Variants in AASS observed in about 807,000 individuals in gnomAD.
The protein encoded by AASS is alpha-aminoadipic semialdehyde synthase, mitochondrial.
Under a neutral mutation model 105.4 loss-of-function variants are expected in AASS, and 86 were observed. The observed-to-expected ratio is 0.82, with a 90% CI of 0.69 to 0.98. The LOEUF is 0.98. Ranked by LOEUF, AASS falls within the 50% of genes least tolerant of loss-of-function variation. The pLI is 0.00. For missense variants in AASS, 1,048 were observed against 1,143.2 expected, an observed-to-expected ratio of 0.92 and a Z score of 1.20; for synonymous variants, 381 against 394.8, an observed-to-expected ratio of 0.96 and a Z score of 0.41.
chr7:122,093,140 C>T lies in AASS; in HGVS notation c.1674G>A (p.Leu558=), dbSNP rs1239609470. The change falls in exon 16 of 24, where the codon TTG becomes TTA. Residue 558 remains leucine (L), a synonymous_variant. Transcript: ENST00000417368. ...DLVISLLPYV[L]HPLVAKACIT... is the part of the protein sequence containing the mutation. ...TGCAGGCCTTGGCCACAAGAGGGTG[C>T]AATACATAAGGCAACAAGCTTGAAA... The T allele has an allele frequency of 5.6e-6, 9 of 1,613,574 alleles. No individual in the cohort carries two copies. Among genetic ancestry groups the T allele is most frequent in the South Asian group, 1.1e-5 (1 of 91,074 alleles).
chr7:122,114,527 G>A (rs1300242147), intron 9 of AASS, among the ~76,000 whole-genome samples: 1 of 152,136 alleles, frequency 6.6e-6, no homozygotes. Context: ...CTAGGTGCTT[G>A]TGGCCAAGAG....
intron 7 of AASS, 29 bp downstream of exon 7, chr7:122,116,850 T>G: frequency 1.2e-6 from 2 of 1,612,748 alleles, no homozygotes; most frequent in East Asian, 2.2e-5. Context: ...GTTAAAAACA[T>G]TAAAAGTTAG....
chr7:122,123,597 A>G (rs939370156), intron 4 of AASS, among the ~76,000 whole-genome samples: 2 of 152,206 alleles, frequency 1.3e-5, no homozygotes, highest in African/African-American at 2.4e-5. Flanking sequence ...AATGGGTATG[A>G]GCAGAAATAA....
chr7:122,125,268 A>C (rs902121141), intron 4 of AASS, among the ~76,000 whole-genome samples: 5 of 152,194 alleles, frequency 3.3e-5, no homozygotes, highest in Non-Finnish European at 5.9e-5. Context: ...ATTTTTGCTT[A>C]GATTTATTAT....
chr7:122,101,884 A>G (rs1264563113), intron 11 of AASS, among the ~76,000 whole-genome samples: 1 of 151,976 alleles, frequency 6.6e-6, no homozygotes, highest in African/African-American at 2.4e-5. Context: ...TTTCAGCACA[A>G]GTCCCAATTT....
At chr7:122,137,683 G>A (rs558683250) in intron 1 of AASS, among the ~76,000 whole-genome samples, 1 of 152,178 alleles carries the variant, frequency 6.6e-6, no homozygotes, top group Non-Finnish European at 1.5e-5. Flanking sequence ...CAAGAAATAG[G>A]AAATAGTGAG....
intron 11 of AASS, among the ~76,000 whole-genome samples, chr7:122,104,762 C>T (rs1794588732): frequency 6.6e-6 from 1 of 151,890 alleles, no homozygotes; most frequent in Admixed American, 6.6e-5. Flanking sequence ...ACAATAGAAA[C>T]CAGGGTATAC....
At chr7:122,122,735 T>C (rs1336210877) in intron 4 of AASS, among the ~76,000 whole-genome samples, 1 of 152,200 alleles carries the variant, frequency 6.6e-6, no homozygotes, top group East Asian at 1.9e-4. Flanking sequence ...AGAAAATCTA[T>C]ATATGTTCTC....
chr7:122,114,740 T>C (rs1455578906), intron 9 of AASS, among the ~76,000 whole-genome samples: 1 of 152,124 alleles, frequency 6.6e-6, no homozygotes, highest in African/African-American at 2.4e-5. Context: ...AAAAGAAGAA[T>C]GTTTCAAGAA....
intron 18 of AASS, among the ~76,000 whole-genome samples, chr7:122,089,342 C>A (rs1010953581): frequency 1.3e-5 from 2 of 152,126 alleles, no homozygotes; most frequent in Non-Finnish European, 2.9e-5. Context: ...GGAGTGGTCA[C>A]AAAAAGCTTC....
At chr7:122,076,655 G>T in intron 23 of AASS, 48 bp from the exon 24 acceptor site, 1 of 1,380,056 alleles carries the variant, frequency 7.2e-7, no homozygotes, top group Non-Finnish European at 1.0e-6. Flanking sequence ...TTGTGTCAGA[G>T]GTTAATTTCC....
In AASS at chr7:122,113,130, A is replaced by G. The variant is rs781200479; in HGVS notation, c.1266T>C (p.Tyr422=). The G allele has an allele frequency of 3.2e-5, 52 of 1,613,604 alleles. No homozygotes were observed. Among genetic ancestry groups the G allele is most frequent in the Non-Finnish European group, 4.1e-5 (48 of 1,179,664 alleles). Residue 422 remains tyrosine (Y), a synonymous_variant, in exon 11 of 24, where the codon TAT becomes TAC. Transcript: ENST00000417368. ...TECFGDMLYP[Y]VEEMILSDAT... ...CCAGTCTGCTTACCATTTCTTCAAC[A>G]TAAGGGTAAAGCATGTCTCCAAAGC...
intron 9 of AASS, among the ~76,000 whole-genome samples, 153 bp from the exon 10 acceptor site, chr7:122,113,873 C>T (rs949763029): frequency 6.8e-6 from 1 of 146,062 alleles, no homozygotes; most frequent in African/African-American, 2.6e-5. Flanking sequence ...CTTCAGGACT[C>T]TGCACTGTTC....
rs67469054 is a variant in AASS, at chr7:122,141,658, CAAAAAA to C, written c.-16+2497_-16+2502del. The stretch of plus-strand genomic sequence containing the variant: ...AGAGACTCACATCCCCCTAACCCTG[CAAAAAA>C]AAAAAAAAAAAAAAAAAAAAACTTG... On this transcript the variant is annotated intron_variant, in intron 1 of 23. Coordinates refer to ENST00000417368, the MANE Select transcript of AASS (RefSeq NM_005763.4). Among the ~76,000 whole-genome samples, 81 of 94,626 alleles carry C rather than the reference CAAAAAA, an allele frequency of 8.6e-4. 1 individual carries two copies. In the East Asian group the frequency reaches 0.015, roughly 18 times the overall value. The allele number at this position is 94,626 out of a possible 152,430, so 62.1% of individuals were successfully genotyped here.
intron 6 of AASS, among the ~76,000 whole-genome samples, chr7:122,117,593 G>A (rs750776433): frequency 7.9e-5 from 12 of 151,956 alleles, no homozygotes; most frequent in Non-Finnish European, 1.8e-4. Context: ...CCTCAGAACA[G>A]ACCTTTACAC....
intron 19 of AASS, among the ~76,000 whole-genome samples, chr7:122,084,485 A>G (rs891902496): frequency 6.6e-6 from 1 of 152,204 alleles, no homozygotes; most frequent in East Asian, 1.9e-4. Flanking sequence ...AGGCAGGTGA[A>G]CCTGGAAGAC....
At chr7:122,080,998 T>C (rs539556720) in intron 20 of AASS, among the ~76,000 whole-genome samples, 3 of 152,324 alleles carry the variant, frequency 2.0e-5, no homozygotes, top group Admixed American at 2.0e-4. Flanking sequence ...ATTCCAACTC[T>C]GAGGCCTTAA....
At position 122,079,664 on chromosome 7, in the gene AASS, C is replaced by T; in HGVS notation, c.2329G>A (p.Asp777Asn). Residue 777 changes from aspartate to asparagine, a missense_variant, in exon 21 of 24, where the codon GAT becomes AAT. Physicochemically the swap from Asp to Asn is conservative, Grantham distance 23. Transcript: ENST00000417368. The stretch of plus-strand genomic sequence containing the variant: ...TTAAGAACAGCTTCCTTCAACACAT[C>T]ATGCTCAGAGGAGGGTGAAATCCCA... ...LVGISPSSEHDVLKEAVLKKL... is the reference protein window; with the variant it reads ...LVGISPSSEHNVLKEAVLKKL... The T allele has an allele frequency of 1.2e-6, 2 of 1,614,004 alleles. No individual in the cohort carries two copies. The highest frequency in any genetic ancestry group is 2.2e-5 in the South Asian group (2 of 91,084).
At chr7:122,119,417 G>A (rs1795336371) in intron 4 of AASS, among the ~76,000 whole-genome samples, 1 of 151,934 alleles carries the variant, frequency 6.6e-6, no homozygotes, top group South Asian at 2.1e-4. Flanking sequence ...TCAAAACTTA[G>A]CCAGCCACCT....
Sources: gnomAD v4.1 joint callset for allele counts (sites outside exome capture counted in the v4.1 genomes callset) on GRCh38, gnomAD v4.1.1 for gene constraint, MANE v1.5 for transcripts, NCBI Gene and HGNC (gene_info 2026-07-23, HGNC 2026-07-21) for gene names.